The following SNX24 variants were observed in gnomAD, a reference collection of about 807,000 sequenced individuals.
The protein encoded by SNX24 is sorting nexin-24.
A neutral mutation model predicts 28.7 loss-of-function variants in SNX24; 22 were observed. The observed-to-expected ratio is 0.77, with a 90% CI of 0.55 to 1.10. The LOEUF (loss-of-function observed/expected upper bound fraction) is 1.10, where lower values mean the gene tolerates loss of function less well. Ranked by LOEUF, SNX24 falls within the 50% of genes least tolerant of loss-of-function variation. SNX24 has a pLI of 0.00. For missense variants in SNX24, 221 were observed against 201.1 expected, an observed-to-expected ratio of 1.10 and a Z score of -0.60; for synonymous variants, 69 against 71.5, an observed-to-expected ratio of 0.96 and a Z score of 0.18.
At chr5:122,992,313 G>A (rs1471925161) in intron 3 of SNX24, among the ~76,000 whole-genome samples, 1 of 152,082 alleles carries the variant, frequency 6.6e-6, no homozygotes, top group African/African-American at 2.4e-5. Flanking sequence ...GTCATGTACA[G>A]TGAGATACCC....
At chr5:122,899,471 C>G (rs1757337080) in intron 1 of SNX24, among the ~76,000 whole-genome samples, 1 of 152,082 alleles carries the variant, frequency 6.6e-6, no homozygotes, top group South Asian at 2.1e-4. Context: ...TGCAGTGGCA[C>G]AATTACAGCT....
At chr5:122,886,668 A>G (rs1333076438) in intron 1 of SNX24, among the ~76,000 whole-genome samples, 2 of 151,746 alleles carry the variant, frequency 1.3e-5, no homozygotes, top group Non-Finnish European at 2.9e-5. Flanking sequence ...CATCTCTACT[A>G]AAAATACAAA....
rs112380062 is a variant in SNX24, at chr5:122,930,773, G to A, written c.61-5961G>A. Among the ~76,000 whole-genome samples, 652 of 151,980 alleles carry A rather than the reference G, an allele frequency of 4.3e-3. 5 individuals are homozygous for A. Among genetic ancestry groups the A allele is most frequent in the African/African-American group, 0.015 (619 of 41,430 alleles). ...TTTTTGCTATCATGAATTTTCTTTC[G>A]AAAGCAGAATCATATCAATACACAC... On this transcript the variant is annotated intron_variant, in intron 1 of 6. Transcript: ENST00000261369.
intron 3 of SNX24, among the ~76,000 whole-genome samples, chr5:122,954,166 A>T (rs2150132296): frequency 6.9e-6 from 1 of 144,980 alleles, no homozygotes; most frequent in Admixed American, 7.1e-5. Context: ...TGTATTCTTA[A>T]ATTCTCAAAT....
chr5:122,866,114 TC>T (rs1039099243), intron 1 of SNX24, among the ~76,000 whole-genome samples: 3 of 152,332 alleles, frequency 2.0e-5, no homozygotes, highest in African/African-American at 7.2e-5. Flanking sequence ...AATCTTAATT[TC>T]TGTCACTGGT....
At chr5:122,910,306 C>T (rs948253647) in intron 1 of SNX24, among the ~76,000 whole-genome samples, 1 of 152,104 alleles carries the variant, frequency 6.6e-6, no homozygotes, top group East Asian at 1.9e-4. Context: ...ACAGCCACCC[C>T]CTTCTCTACT....
intron 5 of SNX24, chr5:123,029,219 T>C: frequency 1.2e-6 from 2 of 1,607,216 alleles, no homozygotes; most frequent in Non-Finnish European, 1.7e-6. Context: ...ACATACTAAT[T>C]TAATACTTAT....
At chr5:122,886,883 C>A (rs975185986) in intron 1 of SNX24, among the ~76,000 whole-genome samples, 2 of 151,890 alleles carry the variant, frequency 1.3e-5, no homozygotes, top group Admixed American at 6.6e-5. Flanking sequence ...AAGGCAAGAA[C>A]CTTAGCACAC....
intron 1 of SNX24, among the ~76,000 whole-genome samples, chr5:122,934,369 C>CT (rs1397535336): frequency 6.6e-6 from 1 of 151,970 alleles, no homozygotes; most frequent in Non-Finnish European, 1.5e-5. Context: ...TTAAATTTTT[C>CT]TTTTTTTGGA....
chr5:122,993,677 G>C (rs945343577), intron 3 of SNX24, among the ~76,000 whole-genome samples: 1 of 152,170 alleles, frequency 6.6e-6, no homozygotes, highest in Non-Finnish European at 1.5e-5. Context: ...CAGGTGCAGG[G>C]AAGTGGTAAG....
At chr5:122,989,309 C>A (rs1254812037) in intron 3 of SNX24, among the ~76,000 whole-genome samples, 1 of 152,140 alleles carries the variant, frequency 6.6e-6, no homozygotes, top group East Asian at 1.9e-4. Context: ...TTCTTTTGGC[C>A]TTTTCCTCAT....
intron 3 of SNX24, among the ~76,000 whole-genome samples, chr5:122,957,879 C>T (rs1245371349): frequency 1.3e-5 from 2 of 152,160 alleles, no homozygotes; most frequent in East Asian, 3.9e-4. Context: ...GATTTTGTAT[C>T]ATACTACTTT....
intron 3 of SNX24, among the ~76,000 whole-genome samples, chr5:122,979,989 A>G (rs1761327911): frequency 6.6e-6 from 1 of 152,210 alleles, no homozygotes; most frequent in South Asian, 2.1e-4. Context: ...ATGACTTTAT[A>G]TCTCAAAAAC....
At position 123,009,088 on chromosome 5, in the gene SNX24, G is replaced by A; in HGVS notation, c.*1339G>A. ...ATTCTGTACTACATGTGGGAAACAAGCAAGAACTAAATAATCAAATGTTGT... is the reference window on the plus strand; with the variant it reads ...ATTCTGTACTACATGTGGGAAACAAACAAGAACTAAATAATCAAATGTTGT... On this transcript the variant is annotated 3_prime_UTR_variant, in exon 7 of 7. Coordinates refer to ENST00000261369, the MANE Select transcript of SNX24 (RefSeq NM_014035.4). The A allele has an allele frequency of 1.0e-6, 1 of 985,646 alleles. No individual in the cohort carries two copies. Among genetic ancestry groups the A allele is most frequent in the Non-Finnish European group, 1.2e-6 (1 of 829,750 alleles). 61.1% of individuals were successfully genotyped at this position (985,646 alleles called of 1,614,324 possible).
intron 3 of SNX24, among the ~76,000 whole-genome samples, chr5:122,956,674 C>T (rs1284041113): frequency 6.6e-6 from 1 of 152,138 alleles, no homozygotes; most frequent in African/African-American, 2.4e-5. Context: ...GTTCCAATGT[C>T]TCCTCCTCCT....
intron 1 of SNX24, among the ~76,000 whole-genome samples, chr5:122,869,104 G>A (rs542050294): frequency 6.0e-4 from 91 of 152,298 alleles, no homozygotes; most frequent in African/African-American, 2.0e-3. Flanking sequence ...CAGGATAAAA[G>A]TTTATAGAAA....
intron 5 of SNX24, chr5:123,028,719 G>T: frequency 1.4e-6 from 2 of 1,420,754 alleles, no homozygotes; most frequent in Non-Finnish European, 9.9e-7. Context: ...TCATATACTG[G>T]CTTAACCTTA....
At chr5:122,893,296 TG>T (rs1757059640) in intron 1 of SNX24, among the ~76,000 whole-genome samples, 1 of 151,936 alleles carries the variant, frequency 6.6e-6, no homozygotes. Flanking sequence ...TTTTTTTTTT[TG>T]ATGACCATTT....
intron 1 of SNX24, among the ~76,000 whole-genome samples, chr5:122,918,609 A>G (rs916985598): frequency 2.6e-5 from 4 of 152,240 alleles, no homozygotes; most frequent in African/African-American, 7.2e-5. Context: ...TCCTGTGTCT[A>G]GTACACAGCC....
Sources: allele counts gnomAD v4.1 joint callset (sites outside exome capture counted in the v4.1 genomes callset), GRCh38; gene constraint gnomAD v4.1.1; transcripts MANE v1.5; gene names NCBI Gene and HGNC (gene_info 2026-07-23, HGNC 2026-07-21).